The following YPEL5 variants were observed in gnomAD, a reference collection of about 807,000 sequenced individuals.
The protein encoded by YPEL5 is protein yippee-like 5.
YPEL5 carries 1 observed loss-of-function variant against 10.5 expected under a neutral mutation model. That is an observed-to-expected ratio of 0.10 (90% CI 0.03 to 0.45). The LOEUF is 0.45. Among genes scored for constraint, YPEL5 ranks in the 20% least tolerant of loss-of-function variants. The pLI, the probability that YPEL5 is intolerant of heterozygous loss-of-function variation, is 0.97. For synonymous variants in YPEL5, 61 were observed against 56.6 expected (o/e 1.08, Z -0.35); for missense variants, 68 against 159.3 (o/e 0.43, Z 3.09).
chr2:30,156,917 A>T, intron 2 of YPEL5, 125 bp downstream of exon 2: 1 of 1,156,936 alleles, frequency 8.6e-7, no homozygotes, highest in Non-Finnish European at 1.2e-6. Flanking sequence ...AATCTACAGA[A>T]ATGATTGCCC....
chr2:30,152,953 T>G (rs1425104638), intron 1 of YPEL5, among the ~76,000 whole-genome samples: 1 of 149,542 alleles, frequency 6.7e-6, no homozygotes, highest in African/African-American at 2.5e-5. Flanking sequence ...CAGGCTGGAA[T>G]GCAGTAGCAC....
rs528223323 is a variant in YPEL5 at position 30,159,950 on chromosome 2, C to T, written c.*1107C>T. 6.5e-6 allele frequency: 1 copy of T among 152,694 alleles called. No homozygotes were observed. Among genetic ancestry groups the T allele is most frequent in the Non-Finnish European group, 1.5e-5 (1 of 68,020 alleles). The allele number at this position is 152,694 out of a possible 1,614,324, so 9.5% of individuals were successfully genotyped here. ...ATTTAGCATTTTTTTCAGCTCTTCT[C>T]TCAGAAGTTCAGCTGTTGAAACGAA... is the stretch of plus-strand genomic sequence containing the variant. On this transcript the variant is annotated 3_prime_UTR_variant, in exon 3 of 3. Coordinates refer to ENST00000261353, the MANE Select transcript of YPEL5 (RefSeq NM_016061.3).
intron 1 of YPEL5, among the ~76,000 whole-genome samples, chr2:30,147,362 C>T (rs1228588487): frequency 6.7e-6 from 1 of 148,650 alleles, no homozygotes; most frequent in Non-Finnish European, 1.5e-5. Context: ...CGACAACAGC[C>T]GCAACCCCTC....
chr2:30,157,411 A>G (rs1213635207), intron 2 of YPEL5, among the ~76,000 whole-genome samples: 5 of 152,172 alleles, frequency 3.3e-5, no homozygotes, highest in Non-Finnish European at 5.9e-5. Context: ...CCCTTTCTCC[A>G]CATGTCACTG....
intron 1 of YPEL5, 197 bp from the exon 2 acceptor site, chr2:30,156,431 A>T (rs1373075493): frequency 2.0e-6 from 1 of 497,182 alleles, no homozygotes; most frequent in African/African-American, 1.9e-5. Flanking sequence ...AAATCTTCTT[A>T]GCTTAGGCAT....
chr2:30,150,849 T>C (rs1445006099), intron 1 of YPEL5, among the ~76,000 whole-genome samples: 3 of 152,232 alleles, frequency 2.0e-5, no homozygotes, highest in Non-Finnish European at 4.4e-5. Flanking sequence ...AAGGTTTCTG[T>C]AGCAGCTCCT....
In YPEL5 at chr2:30,158,981, C is replaced by T; in HGVS notation, c.*138C>T. On this transcript the variant is annotated 3_prime_UTR_variant, in exon 3 of 3. Coordinates refer to ENST00000261353, the MANE Select transcript of YPEL5 (RefSeq NM_016061.3). ...AGGTTGTGAGAATCTAAGATGGAAC[C>T]TTTCTTTCTTTCTTTCTTTTTTTTT... The T allele has an allele frequency of 1.3e-6, 1 of 743,844 alleles. No individual in the cohort carries two copies. The highest frequency in any genetic ancestry group is 1.9e-5 in the South Asian group (1 of 51,590). 46.1% of individuals were successfully genotyped at this position (743,844 alleles called of 1,614,324 possible).
At chr2:30,156,877 A>G (rs1676061631) in intron 2 of YPEL5, 85 bp downstream of exon 2, 1 of 1,495,054 alleles carries the variant, frequency 6.7e-7, no homozygotes, top group South Asian at 1.2e-5. Flanking sequence ...GAGCTTAGAG[A>G]TACCAGGAAG....
intron 1 of YPEL5, among the ~76,000 whole-genome samples, chr2:30,149,684 T>A (rs891672797): frequency 2.0e-5 from 3 of 152,212 alleles, no homozygotes; most frequent in Non-Finnish European, 4.4e-5. Flanking sequence ...GCAGAGTCAT[T>A]GCGAAACAAA....
rs1572750951 is a variant in YPEL5, at chr2:30,150,982, T to TC, written c.-25+3926dup. ...TCTTGTGTCAGAAAATATTCTCCCC[T>TC]CCCCCCAACCATTTAAAAGTACAAA... On this transcript the variant is annotated intron_variant, in intron 1 of 2. Transcript: ENST00000261353. Among the ~76,000 whole-genome samples the TC allele has an allele frequency of 2.0e-5, 3 of 151,900 alleles. No homozygotes were observed. In the East Asian group the frequency reaches 5.8e-4, roughly 29 times the overall value.
chr2:30,152,894 T>TG (rs1325900841), intron 1 of YPEL5, among the ~76,000 whole-genome samples: 4 of 148,132 alleles, frequency 2.7e-5, no homozygotes, highest in African/African-American at 5.0e-5. Context: ...TCCTTTGTTT[T>TG]TTTTTTTTTT....
At chr2:30,151,049 G>A (rs528830636) in intron 1 of YPEL5, among the ~76,000 whole-genome samples, 2 of 152,304 alleles carry the variant, frequency 1.3e-5, no homozygotes, top group East Asian at 3.9e-4. Flanking sequence ...CAGGTGGCGA[G>A]CTGAATTGAC....
At chr2:30,151,719 A>C (rs1019212285) in intron 1 of YPEL5, among the ~76,000 whole-genome samples, 2 of 152,188 alleles carry the variant, frequency 1.3e-5, no homozygotes, top group African/African-American at 4.8e-5. Context: ...TTTAGCTCTC[A>C]TTTCACTATA....
intron 1 of YPEL5, chr2:30,148,403 T>A (rs1347311690): frequency 6.6e-6 from 1 of 152,166 alleles, no homozygotes; most frequent in Non-Finnish European, 1.5e-5. Context: ...CATAGCCACA[T>A]ATAGAGCGTC....
chr2:30,159,871 T>G lies in YPEL5; in HGVS notation c.*1028T>G, dbSNP rs1437471778. 6.6e-6 allele frequency: 1 copy of G among 152,564 alleles called. No homozygotes were observed. The highest frequency in any genetic ancestry group is 6.5e-5 in the Admixed American group (1 of 15,272). 9.5% of individuals were successfully genotyped at this position (152,564 alleles called of 1,614,324 possible). A position where few individuals can be genotyped will look rare whatever the true frequency, so the allele number is the denominator to read the frequency against. ...CCTTTCCCCCTCAGTTTTGCATTGA[T>G]TTTTTGACAAGTCTGTAGAGCCTAA... On this transcript the variant is annotated 3_prime_UTR_variant, in exon 3 of 3. Transcript: ENST00000261353.
intron 1 of YPEL5, chr2:30,148,546 GAAGTA>G (rs1452212817): frequency 1.3e-5 from 2 of 152,224 alleles, no homozygotes; most frequent in Admixed American, 6.5e-5. Context: ...GGTTAGGTAA[GAAGTA>G]AAGTACAAAG....
At chr2:30,151,318 T>TA (rs921020705) in intron 1 of YPEL5, among the ~76,000 whole-genome samples, 30 of 148,572 alleles carry the variant, frequency 2.0e-4, no homozygotes, top group Middle Eastern at 3.5e-3. Flanking sequence ...ATTCTGTAAT[T>TA]AAAAAAAAAA....
At chr2:30,157,582 A>G (rs535944163) in intron 2 of YPEL5, among the ~76,000 whole-genome samples, 1 of 152,340 alleles carries the variant, frequency 6.6e-6, no homozygotes, top group South Asian at 2.1e-4. Flanking sequence ...GTGTGTGCCC[A>G]GTCTGCCTGT....
chr2:30,154,981 C>T (rs1033537402), intron 1 of YPEL5, among the ~76,000 whole-genome samples: 8 of 152,110 alleles, frequency 5.3e-5, no homozygotes, highest in African/African-American at 1.7e-4. Flanking sequence ...CCAGGTGATC[C>T]GCCCACCTCA....
Sources: gnomAD v4.1 joint callset for allele counts (sites outside exome capture counted in the v4.1 genomes callset) on GRCh38, gnomAD v4.1.1 for gene constraint, MANE v1.5 for transcripts, NCBI Gene and HGNC (gene_info 2026-07-23, HGNC 2026-07-21) for gene names.